PCLAF: variants seen among roughly 807,000 people sequenced by gnomAD.
The protein encoded by PCLAF is PCNA clamp associated factor, also known as PCNA-associated factor.
Under a neutral mutation model 15.1 loss-of-function variants are expected in PCLAF, and 12 were observed. The observed-to-expected ratio is 0.79, with a 90% CI of 0.51 to 1.29. PCLAF has a LOEUF of 1.29. Among genes scored for constraint, PCLAF ranks in the 50% most tolerant of loss-of-function variants. The pLI, the probability that PCLAF is intolerant of heterozygous loss-of-function variation, is 0.00. For synonymous variants in PCLAF, 33 were observed against 47.1 expected (o/e 0.70, Z 1.22); for missense variants, 116 against 130.9 (o/e 0.89, Z 0.56).
At chr15:64,373,453 T>G in intron 3 of PCLAF, 1 of 493,730 alleles carries the variant, frequency 2.0e-6, no homozygotes, top group East Asian at 3.9e-5. Flanking sequence ...GGATTCGGTT[T>G]TAGTGTATGG....
rs1415998341 is a variant in PCLAF, at chr15:64,377,489, ATATATATATATATATATATATATATAT to A, written c.128-611_128-585del. On this transcript the variant is annotated intron_variant, in intron 2 of 3. Transcript: ENST00000300035. ...CTGTCTCAAAAAAAAAAAAAAAAAA[ATATATATATATATATATATATATATAT>A]ATATATATATATATATATATATTCT... Among the ~76,000 whole-genome samples the A allele has an allele frequency of 3.6e-4, 6 of 16,466 alleles. No homozygotes were observed. The East Asian group carries it at 7.2e-3, about 20-fold the overall frequency. 10.8% of individuals were successfully genotyped at this position (16,466 alleles called of 152,430 possible).
chr15:64,366,967 T>TA (rs1262873453), intron 3 of PCLAF, among the ~76,000 whole-genome samples: 141 of 138,456 alleles, frequency 1.0e-3, no homozygotes, highest in South Asian at 3.2e-3. Context: ...AGAGCCTGTC[T>TA]AAAAAAAAAA....
chr15:64,366,131 AAT>A (rs1432082288), intron 3 of PCLAF, 56 bp from the exon 4 acceptor site: 8 of 1,333,166 alleles, frequency 6.0e-6, no homozygotes, highest in Non-Finnish European at 8.5e-6. Flanking sequence ...GTTTGAAAAA[AAT>A]AGTTACAAAC....
chr15:64,385,549 C>T (rs886864209), upstream of PCLAF, among the ~76,000 whole-genome samples: 1 of 151,682 alleles, frequency 6.6e-6, no homozygotes, highest in South Asian at 2.1e-4. Context: ...CGCTTGAACC[C>T]GGGAGGCGGA....
intron 3 of PCLAF, among the ~76,000 whole-genome samples, chr15:64,371,112 GTGCCTGC>G (rs1482663568): frequency 4.6e-5 from 7 of 151,734 alleles, no homozygotes; most frequent in Non-Finnish European, 1.0e-4. Flanking sequence ...GGGACTCCAG[GTGCCTGC>G]CACCATCCCC....
chr15:64,379,047 C>G (rs1443497337), intron 2 of PCLAF, among the ~76,000 whole-genome samples: 1 of 152,072 alleles, frequency 6.6e-6, no homozygotes, highest in Non-Finnish European at 1.5e-5. Flanking sequence ...TTTCATACAT[C>G]CAATTATTCG....
At chr15:64,385,738 C>T (rs143203966), upstream of PCLAF, among the ~76,000 whole-genome samples, 3 of 152,226 alleles carry the variant, frequency 2.0e-5, no homozygotes, top group African/African-American at 7.2e-5. Flanking sequence ...GCATGTGAGT[C>T]AGTGGACTGA....
At chr15:64,377,965 C>G (rs1476242120) in intron 2 of PCLAF, among the ~76,000 whole-genome samples, 1 of 150,470 alleles carries the variant, frequency 6.6e-6, no homozygotes, top group East Asian at 2.0e-4. Context: ...GAGTCTCACT[C>G]TGTCACCCAG....
chr15:64,381,314 C>G lies in PCLAF; in HGVS notation c.46+12G>C, dbSNP rs201415383. 74 of 1,614,104 alleles carry G rather than the reference C, an allele frequency of 4.6e-5. No individual in the cohort carries two copies. In the African/African-American group the frequency reaches 9.2e-4, roughly 20 times the overall value. Reference sequence around the variant, plus strand: ...CCCCCCCGCCCTCCAGTACCACACTCGATCGCCTCACCTTTTCTGTAAGTG... The same window carrying G: ...CCCCCCCGCCCTCCAGTACCACACTGGATCGCCTCACCTTTTCTGTAAGTG... On this transcript the variant is annotated intron_variant, in intron 1 of 3. Transcript: ENST00000300035.
chr15:64,379,494 AAAAAAGAAAAG>A, intron 2 of PCLAF, among the ~76,000 whole-genome samples: 1 of 151,890 alleles, frequency 6.6e-6, no homozygotes, highest in South Asian at 2.1e-4. Context: ...AAAAAAAAAG[AAAAAAGAAAAG>A]AAAAAGAAAC....
intron 1 of PCLAF, 21 bp from the exon 2 acceptor site, chr15:64,381,059 G>T: frequency 1.2e-6 from 2 of 1,612,986 alleles, no homozygotes; most frequent in East Asian, 4.5e-5. Context: ...AGGCAAAAAA[G>T]GGTGTTCAGA....
At chr15:64,381,505 C>G, upstream of PCLAF, 1 of 1,560,644 alleles carries the variant, frequency 6.4e-7, no homozygotes, top group Non-Finnish European at 8.7e-7. Flanking sequence ...AGGTCTCTCC[C>G]GAGCCACCGC....
upstream of PCLAF, among the ~76,000 whole-genome samples, chr15:64,384,941 G>A (rs538805977): frequency 2.0e-5 from 3 of 151,936 alleles, no homozygotes; most frequent in South Asian, 6.2e-4. Context: ...ACTCTGTCAC[G>A]CAGGCTAGAG....
chr15:64,386,244 A>C (rs577156424), upstream of PCLAF, among the ~76,000 whole-genome samples: 15 of 152,160 alleles, frequency 9.9e-5, no homozygotes, highest in South Asian at 1.7e-3. Flanking sequence ...AAAAAAAAAA[A>C]CCCTGGAAAA....
intron 3 of PCLAF, among the ~76,000 whole-genome samples, chr15:64,366,746 G>C (rs1243383117): frequency 6.6e-6 from 1 of 152,134 alleles, no homozygotes; most frequent in Non-Finnish European, 1.5e-5. Context: ...GCCAAGGTGG[G>C]TGGAACATTT....
Position 64,364,304 on chromosome 15 carries a change from T to C in PCLAF, c.*1726A>G, listed in dbSNP as rs747318143. 1.3e-5 allele frequency: 2 copies of C among 152,196 alleles called. No homozygotes were observed. Among genetic ancestry groups the C allele is most frequent in the Admixed American group, 6.6e-5 (1 of 15,260 alleles). The allele number at this position is 152,196 out of a possible 1,614,324, so 9.4% of individuals were successfully genotyped here. ...TAATTTTAGGAAGCACACAAATGGA[T>C]AGTGTATTGTAAAAATAAGTATGCA... is the stretch of plus-strand genomic sequence containing the variant. On this transcript the variant is annotated 3_prime_UTR_variant, in exon 4 of 4. Transcript: ENST00000300035.
intron 2 of PCLAF, among the ~76,000 whole-genome samples, chr15:64,379,850 A>T (rs1174298431): frequency 6.6e-6 from 1 of 152,190 alleles, no homozygotes; most frequent in Non-Finnish European, 1.5e-5. Flanking sequence ...TCCCAAAGAC[A>T]GTATTAGGAG....
At chr15:64,370,559 G>A (rs1196604290) in intron 3 of PCLAF, among the ~76,000 whole-genome samples, 2 of 151,716 alleles carry the variant, frequency 1.3e-5, no homozygotes. Context: ...GTAGAGACGG[G>A]GGTTTCGCCG....
intron 3 of PCLAF, among the ~76,000 whole-genome samples, chr15:64,370,830 T>G (rs1433827181): frequency 1.4e-3 from 3 of 2,088 alleles, no homozygotes; most frequent in African/African-American, 2.4e-3. Context: ...CATAAAGTTG[T>G]TTTTTTTTTT....
Sources: gnomAD v4.1 joint callset for allele counts (sites outside exome capture counted in the v4.1 genomes callset) on GRCh38, gnomAD v4.1.1 for gene constraint, MANE v1.5 for transcripts, NCBI Gene and HGNC (gene_info 2026-07-23, HGNC 2026-07-21) for gene names.